Variants in UBE2E3 observed in about 807,000 individuals in gnomAD.
UBE2E3 encodes ubiquitin conjugating enzyme E2 E3, also known as ubiquitin-conjugating enzyme E2 E3.
A neutral mutation model predicts 23.6 loss-of-function variants in UBE2E3; 5 were observed. The ratio of observed to expected loss-of-function variants is 0.21; its 90% confidence interval spans 0.11 to 0.44. UBE2E3 has a LOEUF of 0.44. Among genes scored for constraint, UBE2E3 ranks in the 20% least tolerant of loss-of-function variants. The pLI, the probability that UBE2E3 is intolerant of heterozygous loss-of-function variation, is 0.99. For missense variants in UBE2E3, 81 were observed against 249.8 expected (o/e 0.32, Z 4.55); for synonymous variants, 78 against 87.5 (o/e 0.89, Z 0.60).
intron 3 of UBE2E3, among the ~76,000 whole-genome samples, chr2:181,043,724 A>G (rs1238621042): frequency 6.6e-6 from 1 of 152,174 alleles, no homozygotes; most frequent in Non-Finnish European, 1.5e-5. Context: ...TTTAAAATAC[A>G]CATACTGTAT....
At chr2:181,011,224 A>T (rs1685317378) in intron 3 of UBE2E3, among the ~76,000 whole-genome samples, 1 of 152,020 alleles carries the variant, frequency 6.6e-6, no homozygotes, top group African/African-American at 2.4e-5. Flanking sequence ...GACTCATGTT[A>T]TGGAGGCTAG....
chr2:181,021,530 TACA>T (rs1685676979), intron 3 of UBE2E3, among the ~76,000 whole-genome samples: 1 of 128,960 alleles, frequency 7.8e-6, no homozygotes, highest in Non-Finnish European at 1.7e-5. Flanking sequence ...ATTCTTTCTT[TACA>T]ACTTTTCTTT....
rs966997489 is a variant in UBE2E3, at chr2:180,982,337, T to C, written c.194+101T>C. On this transcript the variant is annotated intron_variant, in intron 2 of 5. Coordinates refer to ENST00000410062, the MANE Select transcript of UBE2E3 (RefSeq NM_006357.4). ...CCTCAATAGCAGTAGTTCAGAAATA[T>C]TTACTTCATTATCAGTTTAATTGTA... is the stretch of plus-strand genomic sequence containing the variant. 71 of 1,039,034 alleles carry C rather than the reference T, an allele frequency of 6.8e-5. 2 individuals carry two copies. In the South Asian group the frequency reaches 7.3e-4, roughly 11 times the overall value. 64.4% of individuals were successfully genotyped at this position (1,039,034 alleles called of 1,614,324 possible). A position where few individuals can be genotyped will look rare whatever the true frequency, so the allele number is the denominator to read the frequency against.
At chr2:180,991,344 G>T in intron 3 of UBE2E3, among the ~76,000 whole-genome samples, 1 of 152,102 alleles carries the variant, frequency 6.6e-6, no homozygotes, top group South Asian at 2.1e-4. Context: ...GTTTACATAA[G>T]GGTTACAAAT....
intron 3 of UBE2E3, among the ~76,000 whole-genome samples, chr2:181,016,507 A>T (rs528736124): frequency 1.3e-5 from 2 of 152,120 alleles, no homozygotes; most frequent in Non-Finnish European, 2.9e-5. Context: ...TTTAATATGT[A>T]ACACCCTATG....
chr2:181,010,954 TC>T (rs908570909), intron 3 of UBE2E3, among the ~76,000 whole-genome samples: 1 of 152,146 alleles, frequency 6.6e-6, no homozygotes, highest in Non-Finnish European at 1.5e-5. Context: ...AATTAAAACT[TC>T]CTGCTGAAGG....
At chr2:181,007,525 A>C (rs1463054325) in intron 3 of UBE2E3, among the ~76,000 whole-genome samples, 1 of 150,130 alleles carries the variant, frequency 6.7e-6, no homozygotes, top group Non-Finnish European at 1.5e-5. Flanking sequence ...CTTTCTTTAT[A>C]CTTGGAAATA....
At chr2:181,009,520 TACTAGGCTTTATTTA>T (rs1685252839) in intron 3 of UBE2E3, among the ~76,000 whole-genome samples, 1 of 90,334 alleles carries the variant, frequency 1.1e-5, no homozygotes, top group Admixed American at 1.0e-4. Flanking sequence ...TATATATTTA[TACTAGGCTTTATTTA>T]TACTAGGCTT....
intron 3 of UBE2E3, among the ~76,000 whole-genome samples, chr2:181,038,055 G>C (rs1046362356): frequency 1.3e-5 from 2 of 152,164 alleles, no homozygotes; most frequent in African/African-American, 4.8e-5. Context: ...TATAGCCTAA[G>C]TGTTTATAAA....
chr2:181,034,668 A>C (rs921543021), intron 3 of UBE2E3, among the ~76,000 whole-genome samples: 32 of 147,584 alleles, frequency 2.2e-4, no homozygotes, highest in African/African-American at 7.8e-4. Context: ...CTAGAACTTA[A>C]AGTATAATAA....
intron 3 of UBE2E3, among the ~76,000 whole-genome samples, chr2:181,025,571 A>T (rs187747003): frequency 3.2e-4 from 48 of 152,006 alleles, no homozygotes; most frequent in African/African-American, 1.1e-3. Flanking sequence ...GTAAAATACC[A>T]CATATTAATT....
chr2:181,041,465 G>T (rs2105666835), intron 3 of UBE2E3, among the ~76,000 whole-genome samples: 1 of 151,190 alleles, frequency 6.6e-6, no homozygotes, highest in South Asian at 2.1e-4. Flanking sequence ...TTTTGAGATG[G>T]AGTCTCTCTC....
intron 1 of UBE2E3, 189 bp downstream of exon 1, chr2:180,981,162 C>T (rs1361252911): frequency 6.7e-6 from 1 of 148,626 alleles, no homozygotes; most frequent in South Asian, 2.1e-4. Context: ...ACCCGCGGCC[C>T]CCGCGCGGCC....
chr2:180,986,560 T>G (rs1684477258), intron 3 of UBE2E3, among the ~76,000 whole-genome samples: 1 of 152,122 alleles, frequency 6.6e-6, no homozygotes, highest in African/African-American at 2.4e-5. Context: ...AATGAGAATT[T>G]TAGCTTTACG....
intron 3 of UBE2E3, chr2:180,987,343 G>A (rs1309851777): frequency 6.5e-7 from 1 of 1,549,922 alleles, no homozygotes; most frequent in East Asian, 2.4e-5. Flanking sequence ...CCCAGAGGGT[G>A]TCCTTGTCCT....
chr2:181,004,853 A>T (rs1294188006), intron 3 of UBE2E3, among the ~76,000 whole-genome samples: 1 of 152,214 alleles, frequency 6.6e-6, no homozygotes, highest in Non-Finnish European at 1.5e-5. Context: ...GCCTTTTGCC[A>T]AATGTAATTT....
chr2:181,036,080 A>G (rs372752487), intron 3 of UBE2E3, among the ~76,000 whole-genome samples: 30 of 152,332 alleles, frequency 2.0e-4, no homozygotes, highest in Middle Eastern at 3.4e-3. Context: ...CTTGGCTCAC[A>G]GCAGGCAACA....
chr2:181,030,701 T>C (rs1241921676), intron 3 of UBE2E3, among the ~76,000 whole-genome samples: 2 of 151,990 alleles, frequency 1.3e-5, no homozygotes, highest in Non-Finnish European at 2.9e-5. Context: ...GGTTTTGTAT[T>C]TGGGATAAGG....
At chr2:181,023,032 A>G (rs1685757414) in intron 3 of UBE2E3, among the ~76,000 whole-genome samples, 1 of 152,248 alleles carries the variant, frequency 6.6e-6, no homozygotes, top group African/African-American at 2.4e-5. Context: ...TACGATGGTG[A>G]GAAAGCAATA....
Sources: allele counts gnomAD v4.1 joint callset (sites outside exome capture counted in the v4.1 genomes callset), GRCh38; gene constraint gnomAD v4.1.1; transcripts MANE v1.5; gene names NCBI Gene and HGNC (gene_info 2026-07-23, HGNC 2026-07-21).